The following NPIPB2 variants were observed in gnomAD, a reference collection of about 807,000 sequenced individuals.
The protein encoded by NPIPB2 is nuclear pore complex-interacting protein family member B2.
In NPIPB2, 27 loss-of-function variants were observed where a neutral mutation model predicts 30.8. The observed-to-expected ratio is 0.88, with a 90% CI of 0.65 to 1.21. NPIPB2 has a LOEUF of 1.21. Ranked by LOEUF, NPIPB2 falls within the 50% of genes most tolerant of loss-of-function variation. The pLI, the probability that NPIPB2 is intolerant of heterozygous loss-of-function variation, is 0.00. For missense variants in NPIPB2, 440 were observed against 446.2 expected (o/e 0.99, Z 0.13); for synonymous variants, 147 against 162.0 (o/e 0.91, Z 0.70).
upstream of NPIPB2, among the ~76,000 whole-genome samples, chr16:11,946,807 A>G (rs1485916785): frequency 6.6e-6 from 1 of 152,030 alleles, no homozygotes; most frequent in African/African-American, 2.4e-5. Flanking sequence ...GAGGAATGAA[A>G]GCATATGTTT....
At chr16:11,966,038 G>A (rs2055190591) in intron 1 of NPIPB2, among the ~76,000 whole-genome samples, 1 of 152,218 alleles carries the variant, frequency 6.6e-6, no homozygotes, top group Admixed American at 6.5e-5. Context: ...TTGAACTTGG[G>A]AGGTGGAGGT....
chr16:11,934,657 G>C (rs1424857096), intron 2 of NPIPB2, among the ~76,000 whole-genome samples: 1 of 151,518 alleles, frequency 6.6e-6, no homozygotes, highest in Non-Finnish European at 1.5e-5. Context: ...TCAAGAGATG[G>C]ACACCATCTT....
At chr16:11,949,961 G>C (rs1013147354) in intron 1 of NPIPB2, among the ~76,000 whole-genome samples, 1 of 152,150 alleles carries the variant, frequency 6.6e-6, no homozygotes, top group Non-Finnish European at 1.5e-5. Context: ...GGAATATCTG[G>C]TTCTCATTTG....
chr16:11,953,712 A>ATTTTTTTTT (rs36103994), intron 1 of NPIPB2, among the ~76,000 whole-genome samples: 1 of 75,546 alleles, frequency 1.3e-5, no homozygotes, highest in Non-Finnish European at 2.8e-5. Context: ...ATTTACTTTA[A>ATTTTTTTTT]TTTTTTTTTT....
intron 1 of NPIPB2, among the ~76,000 whole-genome samples, chr16:11,940,758 TAA>T (rs1205186064): frequency 0.12 from 5,771 of 46,432 alleles, 136 homozygotes; most frequent in South Asian, 0.2. Flanking sequence ...AGACTCTGTC[TAA>T]AAAAAAAAAA....
intron 1 of NPIPB2, among the ~76,000 whole-genome samples, chr16:11,974,410 G>C (rs752544337): frequency 1.3e-5 from 2 of 152,114 alleles, no homozygotes; most frequent in East Asian, 3.9e-4. Flanking sequence ...CTACCTACTC[G>C]GGAGGCTGAG....
intron 1 of NPIPB2, among the ~76,000 whole-genome samples, chr16:11,948,474 A>C (rs918129690): frequency 1.3e-5 from 2 of 152,094 alleles, no homozygotes; most frequent in African/African-American, 2.4e-5. Context: ...GGAGTGTGTA[A>C]AATGGAAACT....
In NPIPB2 at chr16:11,951,619, T is replaced by TACCCATAC. The variant is rs1555509396; in HGVS notation, c.-583-9506_-583-9505insGTATGGGT. On this transcript the variant is annotated intron_variant, in intron 1 of 5. Transcript: ENST00000538896. ...CACTGATACAGATGGACACTGCACA[T>TACCCATAC]ACACATACACACACACACACACACA... Among the ~76,000 whole-genome samples, 62 of 115,908 alleles carry TACCCATAC rather than the reference T, an allele frequency of 5.3e-4. 1 individual carries two copies. The highest frequency in any genetic ancestry group is 5.3e-3 in the South Asian group (15 of 2,832). The allele number at this position is 115,908 out of a possible 152,430, so 76.0% of individuals were successfully genotyped here.
chr16:11,943,069 C>A (rs908238362), upstream of NPIPB2, among the ~76,000 whole-genome samples: 1 of 152,210 alleles, frequency 6.6e-6, no homozygotes, highest in Non-Finnish European at 1.5e-5. Context: ...CGCCTGTAAT[C>A]CCAGCACTTT....
intron 1 of NPIPB2, among the ~76,000 whole-genome samples, chr16:11,972,379 G>A (rs1472375436): frequency 6.6e-6 from 1 of 152,022 alleles, no homozygotes; most frequent in Non-Finnish European, 1.5e-5. Flanking sequence ...TTTGAAACCA[G>A]CCTGAACAAC....
In NPIPB2 at chr16:11,938,710, G is replaced by A. The variant is rs552604252; in HGVS notation, c.64-1042C>T. Among the ~76,000 whole-genome samples the A allele has an allele frequency of 7.2e-5, 11 of 152,124 alleles. No individual in the cohort carries two copies. The South Asian group carries it at 8.3e-4, about 11-fold the overall frequency. On this transcript the variant is annotated intron_variant, in intron 1 of 7. Transcript: ENST00000399147. ...AACTGTCCTGGGCCACATGCAGCCCGTCACTCATGGGTAAGACAAGCTAAG... is the reference window on the plus strand; with the variant it reads ...AACTGTCCTGGGCCACATGCAGCCCATCACTCATGGGTAAGACAAGCTAAG...
intron 1 of NPIPB2, among the ~76,000 whole-genome samples, chr16:11,975,155 T>C (rs1358283705): frequency 4.2e-5 from 3 of 72,272 alleles, no homozygotes; most frequent in Non-Finnish European, 9.3e-5. Context: ...TTTTTTTTTT[T>C]TTTTTTTTTT....
intron 2 of NPIPB2, 45 bp downstream of exon 2, chr16:11,937,495 A>G (rs749021956): frequency 1.0e-6 from 1 of 987,454 alleles, no homozygotes; most frequent in East Asian, 2.5e-5. Flanking sequence ...ATTTATTCTT[A>G]TTTGTGATTA....
intron 1 of NPIPB2, among the ~76,000 whole-genome samples, chr16:11,958,708 T>G (rs1036520473): frequency 1.3e-5 from 2 of 152,130 alleles, no homozygotes; most frequent in Non-Finnish European, 2.9e-5. Flanking sequence ...ACCACTGCAC[T>G]CCTGCCTGGG....
chr16:11,971,114 C>T lies in NPIPB2; in HGVS notation c.-584+5454G>A, dbSNP rs145987360. ...TCAAGCGATCCTCCGACCTTGGCCTCCCAAAGTGCTGGGATTACAGGCATA... is the reference window on the plus strand; with the variant it reads ...TCAAGCGATCCTCCGACCTTGGCCTTCCAAAGTGCTGGGATTACAGGCATA... On this transcript the variant is annotated intron_variant, in intron 1 of 5. Coordinates refer to the NPIPB2 transcript ENST00000538896. Among the ~76,000 whole-genome samples the T allele has an allele frequency of 7.4e-4, 113 of 151,926 alleles. 1 individual carries two copies. In the East Asian group the frequency reaches 0.02, roughly 27 times the overall value.
At chr16:11,959,704 G>C (rs1362253662) in intron 1 of NPIPB2, among the ~76,000 whole-genome samples, 1 of 152,092 alleles carries the variant, frequency 6.6e-6, no homozygotes, top group African/African-American at 2.4e-5. Context: ...CAGTCCATCA[G>C]TCTTCTTTCT....
At chr16:11,951,629 C>CAT in intron 1 of NPIPB2, among the ~76,000 whole-genome samples, 2 of 127,258 alleles carry the variant, frequency 1.6e-5, no homozygotes, top group South Asian at 6.9e-4. Context: ...TACACATACA[C>CAT]ACACACACAC....
At chr16:11,941,333 C>T (rs113280025) in intron 1 of NPIPB2, 11 of 436,564 alleles carry the variant, frequency 2.5e-5, no homozygotes, top group East Asian at 8.7e-5. Context: ...GGGACCGGGC[C>T]GGATCTGAGT....
chr16:11,972,292 T>C (rs1404359704), intron 1 of NPIPB2, among the ~76,000 whole-genome samples: 41 of 152,208 alleles, frequency 2.7e-4, no homozygotes, highest in Non-Finnish European at 2.9e-5. Flanking sequence ...GAGTCTGTTC[T>C]GGGCTGGATG....
Sources: gnomAD v4.1 joint callset for allele counts (sites outside exome capture counted in the v4.1 genomes callset) on GRCh38, gnomAD v4.1.1 for gene constraint, MANE v1.5 for transcripts, NCBI Gene and HGNC (gene_info 2026-07-23, HGNC 2026-07-21) for gene names.